The following DYNC2H1 variants were observed in gnomAD, a reference collection of about 807,000 sequenced individuals.
DYNC2H1 encodes the protein dynein cytoplasmic 2 heavy chain 1.
In DYNC2H1, 410 loss-of-function variants were observed where a neutral mutation model predicts 570.0. That is an observed-to-expected ratio of 0.72 (90% confidence interval 0.66 to 0.78). The LOEUF is 0.78. DYNC2H1 is among the 30% of genes least tolerant of loss of function. The pLI is 0.00. For synonymous variants in DYNC2H1, 1,688 were observed against 1,677.6 expected (o/e 1.01, Z -0.15); for missense variants, 4,865 against 5,046.4 (o/e 0.96, Z 1.09).
chr11:103,109,525 G>C lies in DYNC2H1; in HGVS notation c.-50G>C. 6.4e-7 allele frequency: 1 copy of C among 1,557,762 alleles called. No individual in the cohort carries two copies. The highest frequency in any genetic ancestry group is 8.8e-7 in the Non-Finnish European group (1 of 1,140,824). On this transcript the variant is annotated 5_prime_UTR_variant, in exon 1 of 89. Coordinates refer to ENST00000375735, the MANE Select transcript of DYNC2H1 (RefSeq NM_001377.3). Reference sequence around the variant, plus strand: ...CTTCCCTTCACTTCCCTCCGGACTGGTTTCTTCTTCCTTCCCCCTTCCCCC... The same window carrying C: ...CTTCCCTTCACTTCCCTCCGGACTGCTTTCTTCTTCCTTCCCCCTTCCCCC...
At chr11:103,223,801 G>A (rs1267356798) in intron 59 of DYNC2H1, among the ~76,000 whole-genome samples, 1 of 149,710 alleles carries the variant, frequency 6.7e-6, no homozygotes, top group Non-Finnish European at 1.5e-5. Context: ...AGGCTGGAGT[G>A]CAGTGGCGCG....
chr11:103,462,255 T>G (rs1247743947), intron 87 of DYNC2H1, among the ~76,000 whole-genome samples: 1 of 152,046 alleles, frequency 6.6e-6, no homozygotes, highest in Non-Finnish European at 1.5e-5. Flanking sequence ...TGTTCCTCTG[T>G]CTCTCATTCC....
intron 83 of DYNC2H1, among the ~76,000 whole-genome samples, chr11:103,382,398 C>T (rs1941687744): frequency 6.6e-6 from 1 of 152,060 alleles, no homozygotes; most frequent in Non-Finnish European, 1.5e-5. Context: ...CTTGGAATAG[C>T]TTAATTTCTA....
At chr11:103,412,215 C>CTTTAGGAAAGAGTT (rs1565576300) in intron 84 of DYNC2H1, among the ~76,000 whole-genome samples, 1 of 152,038 alleles carries the variant, frequency 6.6e-6, no homozygotes, top group Non-Finnish European at 1.5e-5. Context: ...ATTTAATGTG[C>CTTTAGGAAAGAGTT]TTTAGGAAAG....
rs1428849631 is a variant in DYNC2H1 at position 103,220,522 on chromosome 11, T to C, written c.8947-101T>C. The C allele has an allele frequency of 3.5e-6, 4 of 1,157,822 alleles. No homozygotes were observed. In the African/African-American group the frequency reaches 4.7e-5, roughly 14 times the overall value. The allele number at this position is 1,157,822 out of a possible 1,614,324, so 71.7% of individuals were successfully genotyped here. On this transcript the variant is annotated intron_variant, in intron 56 of 88. Coordinates refer to ENST00000375735, the MANE Select transcript of DYNC2H1 (RefSeq NM_001377.3). ...TTAAGAGAGAGAACATTAGTAACTA[T>C]AGTCATTTTGCATAAATGACAATAA...
In DYNC2H1 at chr11:103,261,690, G is replaced by T. The variant is rs901069267; in HGVS notation, c.10695+1713G>T. Among the ~76,000 whole-genome samples, 22 of 152,170 alleles carry T rather than the reference G, an allele frequency of 1.4e-4. No homozygotes were observed. Among genetic ancestry groups the T allele is most frequent in the Admixed American group, 1.3e-3 (20 of 15,268 alleles). ...GGACATCTATACAAAAACCCCATCCGAAGGTCACCAAGATCAAAGACCAAA... is the reference window on the plus strand; with the variant it reads ...GGACATCTATACAAAAACCCCATCCTAAGGTCACCAAGATCAAAGACCAAA... On this transcript the variant is annotated intron_variant, in intron 70 of 88. Coordinates refer to ENST00000375735, the MANE Select transcript of DYNC2H1 (RefSeq NM_001377.3). The surrounding 1 kb of genome is among the most constrained non-coding windows in gnomAD (Gnocchi z 4.8).
chr11:103,370,840 C>G (rs1941115894), intron 83 of DYNC2H1, among the ~76,000 whole-genome samples: 1 of 152,038 alleles, frequency 6.6e-6, no homozygotes, highest in South Asian at 2.1e-4. Flanking sequence ...GAAAGCCTTT[C>G]TAAGAAGGTA....
rs1274840871 is a variant in DYNC2H1 at position 103,135,823 on chromosome 11, G to A, written c.2449G>A (p.Gly817Ser). 6.2e-7 allele frequency: 1 copy of A among 1,613,016 alleles called. No homozygotes were observed. Among genetic ancestry groups the A allele is most frequent in the Non-Finnish European group, 8.5e-7 (1 of 1,179,574 alleles). The change falls in exon 17 of 89, where the codon GGT becomes AGT. Residue 817 changes from glycine to serine, a missense_variant. Coordinates refer to ENST00000375735, the MANE Select transcript of DYNC2H1 (RefSeq NM_001377.3). ...CATTCCAAATCAGTTTAAGGGAGTGGGTGAGGCAGGAGATGAATCTATTTT... is the reference window on the plus strand; with the variant it reads ...CATTCCAAATCAGTTTAAGGGAGTGAGTGAGGCAGGAGATGAATCTATTTT... ...IGIPNQFKGV[G>S]EAGDESIFSI... is the part of the protein sequence containing the mutation.
intron 65 of DYNC2H1, among the ~76,000 whole-genome samples, chr11:103,246,557 G>A (rs1864625955): frequency 1.3e-5 from 2 of 151,974 alleles, no homozygotes; most frequent in African/African-American, 4.8e-5. Context: ...AGCCTGTTTA[G>A]GTCAATTTGT....
chr11:103,174,334 T>G (rs1450819723), intron 36 of DYNC2H1, among the ~76,000 whole-genome samples, 164 bp downstream of exon 36: 1 of 152,220 alleles, frequency 6.6e-6, no homozygotes, highest in African/African-American at 2.4e-5. Context: ...GTGTGGTATA[T>G]TTGTCACAAC....
chr11:103,268,453 G>A lies in DYNC2H1; in HGVS notation c.10695+8476G>A, dbSNP rs570110676. On this transcript the variant is annotated intron_variant, in intron 70 of 88. Transcript: ENST00000375735. This position sits in a 1 kb window ranked among gnomAD's most constrained non-coding sequence, Gnocchi z 4.6. ...ATTATCTTCTATTTTTTAATCATTG[G>A]ATTTACTTAATTTATACTTCTAGGT... Among the ~76,000 whole-genome samples, 5 of 151,708 alleles carry A rather than the reference G, an allele frequency of 3.3e-5. No individual in the cohort carries two copies. In the East Asian group the frequency reaches 7.7e-4, roughly 24 times the overall value.
Position 103,254,129 on chromosome 11 carries a change from T to G in DYNC2H1, c.10206+681T>G, listed in dbSNP as rs1251909587. On this transcript the variant is annotated intron_variant, in intron 66 of 88. Coordinates refer to ENST00000375735, the MANE Select transcript of DYNC2H1 (RefSeq NM_001377.3). This position sits in a 1 kb window ranked among gnomAD's most constrained non-coding sequence, Gnocchi z 4.9. ...TTTACTTGATTGTAATTTTTAAAATTGTCCTTTCAAAATATTTCTTTGTAT... is the reference window on the plus strand; with the variant it reads ...TTTACTTGATTGTAATTTTTAAAATGGTCCTTTCAAAATATTTCTTTGTAT... Among the ~76,000 whole-genome samples, 13 of 152,198 alleles carry G rather than the reference T, an allele frequency of 8.5e-5. No homozygotes were observed. Among genetic ancestry groups the G allele is most frequent in the Admixed American group, 8.5e-4 (13 of 15,286 alleles).
rs1858649365 is a variant in DYNC2H1, at chr11:103,120,514, T to C, written c.1067T>C (p.Ile356Thr). The change falls in exon 7 of 89, where the codon ATA (isoleucine) becomes ACA (threonine). Residue 356 changes from isoleucine (I) to threonine (T), a missense_variant. Ile to Thr is a moderately conservative substitution (Grantham distance 89). This residue lies in a region of DYNC2H1 where 1,936 missense variants were observed against 1,962.1 expected (regional missense o/e 0.99). Coordinates refer to ENST00000375735, the MANE Select transcript of DYNC2H1 (RefSeq NM_001377.3). Reference protein sequence around the residue: ...YFLPASEEKIICLTRVFEPFT... With the variant: ...YFLPASEEKITCLTRVFEPFT... Reference sequence around the variant, plus strand: ...CTACCTGCCAGTGAAGAGAAAATCATATGCCTCACTCGAGTATTTGAACCT... The same window carrying C: ...CTACCTGCCAGTGAAGAGAAAATCACATGCCTCACTCGAGTATTTGAACCT... 2 of 1,613,152 alleles carry C rather than the reference T, an allele frequency of 1.2e-6. No individual in the cohort carries two copies. Among genetic ancestry groups the C allele is most frequent in the African/African-American group, 2.7e-5 (2 of 74,910 alleles).
intron 40 of DYNC2H1, among the ~76,000 whole-genome samples, chr11:103,182,470 G>C (rs1861894310): frequency 6.6e-6 from 1 of 151,796 alleles, no homozygotes; most frequent in Admixed American, 6.6e-5. Flanking sequence ...TAATACAAGA[G>C]AGACTTTGAG....
At chr11:103,141,901 C>T (rs951081657) in intron 17 of DYNC2H1, among the ~76,000 whole-genome samples, 1 of 152,208 alleles carries the variant, frequency 6.6e-6, no homozygotes, top group African/African-American at 2.4e-5. Flanking sequence ...CCTAAGCAAG[C>T]CTGGGCAATG....
In DYNC2H1 at chr11:103,115,199, G is replaced by A. The variant is rs1329392709; in HGVS notation, c.525G>A (p.Glu175=). 2 of 1,610,418 alleles carry A rather than the reference G, an allele frequency of 1.2e-6. No homozygotes were observed. The highest frequency in any genetic ancestry group is 2.2e-5 in the South Asian group (2 of 90,104). ...DTRGILTPSD[E]FQFWIEQAHR... ...TAGGTATCCTTACACCAAGCGATGA[G>A]TTCCAGTTTTGGATAGAACAAGCTC... The change falls in exon 4 of 89, where the codon GAG becomes GAA. Residue 175 remains glutamate (E), a synonymous_variant. Coordinates refer to ENST00000375735, the MANE Select transcript of DYNC2H1 (RefSeq NM_001377.3).
chr11:103,215,430 G>T (rs1291448762), intron 54 of DYNC2H1, among the ~76,000 whole-genome samples: 1 of 152,076 alleles, frequency 6.6e-6, no homozygotes, highest in Non-Finnish European at 1.5e-5. Context: ...CCTTTGTTCT[G>T]TTGATGTGAT....
chr11:103,207,047 G>A (rs960369393), intron 52 of DYNC2H1, among the ~76,000 whole-genome samples: 3 of 151,718 alleles, frequency 2.0e-5, no homozygotes, highest in Non-Finnish European at 2.9e-5. Flanking sequence ...TCAGCCTCTC[G>A]AGTAGCTGAG....
Position 103,184,960 on chromosome 11 carries a change from G to A in DYNC2H1, c.6542G>A (p.Gly2181Asp). ...TVMNGLSHLH[G>D]CRDHDEFIIN... ...ATGAATGGTTTGTCACATCTACATG[G>A]TTGCAGAGATCATGACGAATTCATT... Residue 2181 changes from glycine (G) to aspartate (D), a missense_variant, in exon 41 of 89, where the codon GGT becomes GAT. Gly to Asp is a moderately conservative substitution (Grantham distance 94). Coordinates refer to ENST00000375735, the MANE Select transcript of DYNC2H1 (RefSeq NM_001377.3). 2.5e-6 allele frequency: 4 copies of A among 1,611,228 alleles called. No individual in the cohort carries two copies. Among genetic ancestry groups the A allele is most frequent in the Non-Finnish European group, 3.4e-6 (4 of 1,178,070 alleles).
Sources: gnomAD v4.1 joint callset for allele counts (sites outside exome capture counted in the v4.1 genomes callset) on GRCh38, gnomAD v4.1.1 for gene constraint, gnomAD v4.1.1 regional missense constraint, Gnocchi (gnomAD v3.1) non-coding constraint, MANE v1.5 for transcripts, NCBI Gene and HGNC (gene_info 2026-07-23, HGNC 2026-07-21) for gene names.